Variants in PRDM2 observed in about 807,000 individuals in gnomAD.
The protein encoded by PRDM2 is PR domain zinc finger protein 2.
Under a neutral mutation model 130.0 loss-of-function variants are expected in PRDM2, and 30 were observed. The observed-to-expected ratio is 0.23, with a 90% CI of 0.17 to 0.31. The LOEUF is 0.31. PRDM2 is among the 10% of genes least tolerant of loss of function. The pLI, the probability that PRDM2 is intolerant of heterozygous loss-of-function variation, is 1.00. For synonymous variants in PRDM2, 871 were observed against 782.4 expected, an observed-to-expected ratio of 1.11 and a Z score of -1.89; for missense variants, 2,011 against 2,108.4, an observed-to-expected ratio of 0.95 and a Z score of 0.90.
At chr1:13,730,859 C>T (rs2100469121) in intron 2 of PRDM2, 141 bp from the exon 3 acceptor site, 1 of 596,962 alleles carries the variant, frequency 1.7e-6, no homozygotes, top group African/African-American at 1.9e-5. Flanking sequence ...AAATGCTTGA[C>T]ATCATCGTTT....
chr1:13,752,597 G>A (rs1201729772), intron 6 of PRDM2, among the ~76,000 whole-genome samples: 1 of 152,188 alleles, frequency 6.6e-6, no homozygotes, highest in Non-Finnish European at 1.5e-5. Context: ...GAATTTGCTT[G>A]TTAGCAGTAA....
rs1261063165 is a variant in PRDM2, at chr1:13,771,855, AT to A, written c.512-1220del. The stretch of plus-strand genomic sequence containing the variant: ...TCAAAATCTGGTGGTGTTTTTTAGG[AT>A]TTGTTTTTGCTTTGTATTGTATTTG... On this transcript the variant is annotated intron_variant, in intron 6 of 9. Transcript: ENST00000311066. The surrounding 1 kb of genome is among the most constrained non-coding windows in gnomAD (Gnocchi z 4.1). 1 of 152,088 alleles carries A rather than the reference AT, an allele frequency of 6.6e-6. No individual in the cohort carries two copies. Among genetic ancestry groups the A allele is most frequent in the East Asian group, 1.9e-4 (1 of 5,198 alleles). 9.4% of individuals were successfully genotyped at this position (152,088 alleles called of 1,614,324 possible).
chr1:13,710,942 G>A (rs535364774), intron 1 of PRDM2, among the ~76,000 whole-genome samples: 10 of 152,070 alleles, frequency 6.6e-5, no homozygotes, highest in Non-Finnish European at 1.5e-4. Context: ...AAAAATAGCC[G>A]GGCGTGTTGA....
At chr1:13,787,495 C>G (rs1644765600) in intron 8 of PRDM2, 2 of 984,954 alleles carry the variant, frequency 2.0e-6, no homozygotes, top group Non-Finnish European at 2.4e-6. Context: ...CAAAAGTAAT[C>G]TACCTCTGAA....
rs1645260101 is a variant in PRDM2 at position 13,816,492 on chromosome 1, G to A, written c.5102G>A (p.Arg1701Lys). The change falls in exon 9 of 10, where the codon AGG becomes AAG. Residue 1701 changes from arginine to lysine, a missense_variant. Physicochemically the swap from Arg to Lys is conservative, Grantham distance 26. Coordinates refer to ENST00000311066, the MANE Select transcript of PRDM2 (RefSeq NM_001393986.1). The stretch of plus-strand genomic sequence containing the variant: ...GCCCCGTACATCACCAGGCAGTATA[G>A]GAAGGTCAAAGCTCCAGCTGCAGCC... ...PAAPYITRQYRKVKAPAAAQF... is the reference protein window; with the variant it reads ...PAAPYITRQYKKVKAPAAAQF... The A allele has an allele frequency of 1.9e-6, 3 of 1,614,056 alleles. No homozygotes were observed. Among genetic ancestry groups the A allele is most frequent in the Non-Finnish European group, 2.5e-6 (3 of 1,180,028 alleles).
intron 8 of PRDM2, among the ~76,000 whole-genome samples, chr1:13,791,657 G>A (rs891872261): frequency 1.3e-5 from 2 of 152,192 alleles, no homozygotes; most frequent in African/African-American, 4.8e-5. Context: ...GAACCTGGAG[G>A]GGGTGTGTAG....
intron 1 of PRDM2, among the ~76,000 whole-genome samples, chr1:13,714,356 T>C (rs1277467168): frequency 2.7e-5 from 4 of 150,862 alleles, no homozygotes; most frequent in Non-Finnish European, 5.9e-5. Flanking sequence ...TTTTTTTTCC[T>C]GAGTACTTGC....
rs35869788 is a variant in PRDM2, at chr1:13,774,967, CA to C, written c.622+1795del. Among the ~76,000 whole-genome samples the C allele has an allele frequency of 3.6e-3, 359 of 99,426 alleles. 1 individual carries two copies. The highest frequency in any genetic ancestry group is 0.014 in the Middle Eastern group (2 of 138). 65.2% of individuals were successfully genotyped at this position (99,426 alleles called of 152,430 possible). ...TGGGCGACAGAGCGAGACTCCGTCT[CA>C]AAAAAAAAAAAAAAAGAAAAATGAC... On this transcript the variant is annotated intron_variant, in intron 7 of 9. Transcript: ENST00000311066.
chr1:13,779,202 T>A lies in PRDM2; in HGVS notation c.1407T>A (p.Asn469Lys), dbSNP rs755251253. Reference sequence around the variant, plus strand: ...AGAAGGCTTCCCAAGACACAATAAATTCTTCTGTCGTAGAAGAGAATGGGG... The same window carrying A: ...AGAAGGCTTCCCAAGACACAATAAAATCTTCTGTCGTAGAAGAGAATGGGG... Reference protein sequence around the residue: ...NSEKASQDTINSSVVEENGEV... With the variant: ...NSEKASQDTIKSSVVEENGEV... The change falls in exon 8 of 10, where the codon AAT becomes AAA. Residue 469 changes from asparagine (N) to lysine (K), a missense_variant. Asn to Lys is a moderately conservative substitution (Grantham distance 94). This residue lies in a region of PRDM2 where 1,288 missense variants were observed against 1,237.7 expected (regional missense o/e 1.04). Coordinates refer to ENST00000311066, the MANE Select transcript of PRDM2 (RefSeq NM_001393986.1). This position sits in a 1 kb window ranked among gnomAD's most constrained non-coding sequence, Gnocchi z 4.9. 6.2e-7 allele frequency: 1 copy of A among 1,614,034 alleles called. No individual in the cohort carries two copies. Among genetic ancestry groups the A allele is most frequent in the African/African-American group, 1.3e-5 (1 of 74,922 alleles).
intron 6 of PRDM2, among the ~76,000 whole-genome samples, chr1:13,765,491 A>C (rs1054990792): frequency 6.6e-6 from 1 of 151,482 alleles, no homozygotes; most frequent in Non-Finnish European, 1.5e-5. Flanking sequence ...TTTGAGATGG[A>C]GTCTCGCTCT....
Position 13,779,696 on chromosome 1 carries a change from G to C in PRDM2, c.1901G>C (p.Ser634Thr), listed in dbSNP as rs780658376. ...LPKEPLGSTN[S>T]EAKKRRTASP... ...AAAGAGCCTTTGGGCAGCACAAATA[G>C]TGAGGCCAAGAAGCGGAGAACTGCG... Residue 634 changes from serine to threonine, a missense_variant, in exon 8 of 10, where the codon AGT (serine) becomes ACT (threonine). Coordinates refer to ENST00000311066, the MANE Select transcript of PRDM2 (RefSeq NM_001393986.1). The surrounding 1 kb of genome is among the most constrained non-coding windows in gnomAD (Gnocchi z 4.9). 4.7e-5 allele frequency: 76 copies of C among 1,613,932 alleles called. No homozygotes were observed. Among genetic ancestry groups the C allele is most frequent in the Non-Finnish European group, 6.3e-5 (74 of 1,179,996 alleles).
intron 6 of PRDM2, among the ~76,000 whole-genome samples, chr1:13,763,341 A>G (rs1557630604): frequency 6.6e-6 from 1 of 152,222 alleles, no homozygotes; most frequent in Non-Finnish European, 1.5e-5. Flanking sequence ...GATGTGTAGC[A>G]TGGAATTGAA....
At chr1:13,808,237 A>T (rs1645115065) in intron 8 of PRDM2, among the ~76,000 whole-genome samples, 2 of 152,102 alleles carry the variant, frequency 1.3e-5, no homozygotes, top group Admixed American at 1.3e-4. Flanking sequence ...CACGCCTGTA[A>T]TCCCCACACT....
intron 8 of PRDM2, among the ~76,000 whole-genome samples, chr1:13,793,216 G>A (rs1644869028): frequency 6.6e-6 from 1 of 152,274 alleles, no homozygotes; most frequent in African/African-American, 2.4e-5. Flanking sequence ...TTCCTGGCCT[G>A]TAGGGGAGCT....
At chr1:13,788,092 C>T (rs548023854) in intron 8 of PRDM2, 17 of 968,356 alleles carry the variant, frequency 1.8e-5, no homozygotes, top group Non-Finnish European at 1.8e-5. Context: ...TGTGAAAGGA[C>T]TGCATTTTGT....
At chr1:13,767,330 C>T (rs560832905) in intron 6 of PRDM2, among the ~76,000 whole-genome samples, 47 of 151,594 alleles carry the variant, frequency 3.1e-4, no homozygotes, top group African/African-American at 1.0e-3. Context: ...GACAGTCTGT[C>T]GCCCAGGCTG....
intron 9 of PRDM2, among the ~76,000 whole-genome samples, chr1:13,820,508 G>A (rs1200565961): frequency 2.6e-5 from 4 of 152,200 alleles, no homozygotes; most frequent in Non-Finnish European, 5.9e-5. Context: ...CTACCCCAGG[G>A]GTTCAGCGGG....
At chr1:13,785,148 TG>T (rs1644708084) in intron 8 of PRDM2, among the ~76,000 whole-genome samples, 1 of 152,200 alleles carries the variant, frequency 6.6e-6, no homozygotes, top group South Asian at 2.1e-4. Context: ...GCATATTTGT[TG>T]CATTACACTA....
At position 13,823,442 on chromosome 1, in the gene PRDM2, TC is replaced by T; in HGVS notation, c.*309del. ...GGGACCGTGTTCTGCAGCCCAGCCT[TC>T]CTGTTGGGGTGGGGCCTCTCCTACT... On this transcript the variant is annotated 3_prime_UTR_variant, in exon 10 of 10. Coordinates refer to ENST00000311066, the MANE Select transcript of PRDM2 (RefSeq NM_001393986.1). 1.9e-6 allele frequency: 1 copy of T among 529,410 alleles called. No homozygotes were observed. The highest frequency in any genetic ancestry group is 3.2e-5 in the East Asian group (1 of 30,790). The allele number at this position is 529,410 out of a possible 1,614,324, so 32.8% of individuals were successfully genotyped here.
Sources: allele counts gnomAD v4.1 joint callset (sites outside exome capture counted in the v4.1 genomes callset), GRCh38; gene constraint gnomAD v4.1.1; regional missense constraint gnomAD v4.1.1; non-coding constraint Gnocchi (gnomAD v3.1); transcripts MANE v1.5; gene names NCBI Gene and HGNC (gene_info 2026-07-23, HGNC 2026-07-21).